EEF2K: variants seen among roughly 807,000 people sequenced by gnomAD.
EEF2K encodes the protein eukaryotic elongation factor 2 kinase, also known as alternative protein EEF2K.
In EEF2K, 70 loss-of-function variants were observed where a neutral mutation model predicts 93.8. That is an observed-to-expected ratio of 0.75 (90% CI 0.62 to 0.91). The LOEUF (loss-of-function observed/expected upper bound fraction) is 0.91, where lower values mean the gene tolerates loss of function less well. Among genes scored for constraint, EEF2K ranks in the 40% least tolerant of loss-of-function variants. The pLI, the probability that EEF2K is intolerant of heterozygous loss-of-function variation, is 0.00. For synonymous variants in EEF2K, 376 were observed against 380.8 expected, an observed-to-expected ratio of 0.99 and a Z score of 0.15; for missense variants, 935 against 972.9, an observed-to-expected ratio of 0.96 and a Z score of 0.52.
chr16:22,251,830 G>C (rs1264571840), intron 6 of EEF2K, among the ~76,000 whole-genome samples: 1 of 151,780 alleles, frequency 6.6e-6, no homozygotes, highest in Non-Finnish European at 1.5e-5. Context: ...ATCTTTCTTG[G>C]TTGCCCAGGC....
chr16:22,287,492 A>G lies in EEF2K; in HGVS notation c.*3496A>G, dbSNP rs1336058128. On this transcript the variant is annotated 3_prime_UTR_variant, in exon 18 of 18. Coordinates refer to ENST00000263026, the MANE Select transcript of EEF2K (RefSeq NM_013302.5). ...TCCAGTACTTTCATTTCACAAATGG[A>G]GAAACCGAGGTTCTGCCAGCTAGAT... The G allele has an allele frequency of 6.6e-6, 1 of 152,230 alleles. No individual in the cohort carries two copies. The highest frequency in any genetic ancestry group is 1.5e-5 in the Non-Finnish European group (1 of 68,044). The allele number at this position is 152,230 out of a possible 1,614,324, so 9.4% of individuals were successfully genotyped here. A position where few individuals can be genotyped will look rare whatever the true frequency, so the allele number is the denominator to read the frequency against.
At position 22,284,934 on chromosome 16, in the gene EEF2K, A is replaced by G. The variant is rs1166783707; in HGVS notation, c.*938A>G. On this transcript the variant is annotated 3_prime_UTR_variant, in exon 18 of 18. Transcript: ENST00000263026. Reference sequence around the variant, plus strand: ...GGCCTGCATGTTGGCTGTTTTTTAAACTTCTAGTTCAATTTCCTTCCATAA... The same window carrying G: ...GGCCTGCATGTTGGCTGTTTTTTAAGCTTCTAGTTCAATTTCCTTCCATAA... The G allele has an allele frequency of 6.6e-6, 1 of 152,066 alleles. No homozygotes were observed. The highest frequency in any genetic ancestry group is 1.5e-5 in the Non-Finnish European group (1 of 67,912). 9.4% of individuals were successfully genotyped at this position (152,066 alleles called of 1,614,324 possible).
At chr16:22,266,589 T>C (rs2047521719) in intron 14 of EEF2K, 65 bp downstream of exon 14, 1 of 1,600,700 alleles carries the variant, frequency 6.2e-7, no homozygotes, top group Non-Finnish European at 8.5e-7. Flanking sequence ...CTCCAGCCTC[T>C]CCTCCGCTAA....
At chr16:22,250,835 C>G in intron 5 of EEF2K, 144 bp downstream of exon 5, 1 of 1,092,588 alleles carries the variant, frequency 9.2e-7, no homozygotes, top group Non-Finnish European at 1.3e-6. Context: ...CATCTAGTCT[C>G]CCTCGGGCCA....
At chr16:22,246,627 A>T (rs1274832160) in intron 3 of EEF2K, among the ~76,000 whole-genome samples, 1 of 151,858 alleles carries the variant, frequency 6.6e-6, no homozygotes, top group South Asian at 2.1e-4. Context: ...CCATCACACA[A>T]CCTGGTACTG....
chr16:22,257,786 G>C lies in EEF2K; in HGVS notation c.1029+16G>C, dbSNP rs760453271. 6.2e-7 allele frequency: 1 copy of C among 1,611,986 alleles called. No individual in the cohort carries two copies. Reference sequence around the variant, plus strand: ...CAAGCTGCTGGTGGGTGCCCAGTGTGACCCTGCTTGGCCTGGCAGGCCCTT... The same window carrying C: ...CAAGCTGCTGGTGGGTGCCCAGTGTCACCCTGCTTGGCCTGGCAGGCCCTT... On this transcript the variant is annotated intron_variant, in intron 9 of 17. Transcript: ENST00000263026.
intron 1 of EEF2K, among the ~76,000 whole-genome samples, chr16:22,222,147 G>A (rs571759146): frequency 3.9e-5 from 6 of 152,244 alleles, no homozygotes; most frequent in African/African-American, 1.4e-4. Flanking sequence ...TACAGTTCCT[G>A]TGGATTTTTC....
Position 22,256,791 on chromosome 16 carries a change from C to A in EEF2K, c.662C>A (p.Pro221Gln). The change falls in exon 7 of 18, where the codon CCG becomes CAG. Residue 221 changes from proline to glutamine, a missense_variant. Coordinates refer to ENST00000263026, the MANE Select transcript of EEF2K (RefSeq NM_013302.5). ...TGCATCATCGAGCTGAAGGACAGACCGGGCAAGCCCCTCTTCCACCTGGAG... is the reference window on the plus strand; with the variant it reads ...TGCATCATCGAGCTGAAGGACAGACAGGGCAAGCCCCTCTTCCACCTGGAG... ...QMCIIELKDR[P>Q]GKPLFHLEHY... is the part of the protein sequence containing the mutation. 6.2e-7 allele frequency: 1 copy of A among 1,614,072 alleles called. No individual in the cohort carries two copies. Among genetic ancestry groups the A allele is most frequent in the Non-Finnish European group, 8.5e-7 (1 of 1,180,008 alleles).
chr16:22,278,084 G>T (rs1001325958), intron 16 of EEF2K, among the ~76,000 whole-genome samples: 1 of 152,062 alleles, frequency 6.6e-6, no homozygotes, highest in Admixed American at 6.6e-5. Context: ...ACATGCCCCT[G>T]TCATCCCAGC....
Position 22,225,822 on chromosome 16 carries a change from C to G in EEF2K, c.93C>G (p.Ser31Arg). 2 of 1,614,234 alleles carry G rather than the reference C, an allele frequency of 1.2e-6. No homozygotes were observed. Among genetic ancestry groups the G allele is most frequent in the Non-Finnish European group, 1.7e-6 (2 of 1,180,046 alleles). ...ATGATGGTGATTCTGATGGGGACAGCGACGATGAGGAAGGTTACTTCATCT... is the reference window on the plus strand; with the variant it reads ...ATGATGGTGATTCTGATGGGGACAGGGACGATGAGGAAGGTTACTTCATCT... The part of the protein sequence containing the change: ...AGHDGDSDGD[S>R]DDEEGYFICP... The change falls in exon 2 of 18, where the codon AGC (serine) becomes AGG (arginine). Residue 31 changes from serine (S) to arginine (R), a missense_variant. Physicochemically the swap from Ser to Arg is moderately radical, Grantham distance 110. Coordinates refer to ENST00000263026, the MANE Select transcript of EEF2K (RefSeq NM_013302.5).
intron 3 of EEF2K, among the ~76,000 whole-genome samples, chr16:22,246,900 C>T (rs376631738): frequency 1.1e-4 from 17 of 150,768 alleles, no homozygotes; most frequent in African/African-American, 3.2e-4. Flanking sequence ...TAGTTGGGCA[C>T]GGTGGCATGC....
At chr16:22,210,247 G>A (rs115718194) in intron 1 of EEF2K, among the ~76,000 whole-genome samples, 1,792 of 152,266 alleles carry the variant, frequency 0.012, 38 homozygotes, top group African/African-American at 0.041. Context: ...GGTGGATGGC[G>A]TTCTGTTCTC....
At chr16:22,217,750 G>C (rs2046973182) in intron 1 of EEF2K, among the ~76,000 whole-genome samples, 2 of 152,286 alleles carry the variant, frequency 1.3e-5, no homozygotes, top group South Asian at 4.1e-4. Flanking sequence ...ACCGTGCCTG[G>C]CTGGTTTGGG....
intron 11 of EEF2K, among the ~76,000 whole-genome samples, chr16:22,260,918 C>T (rs2047456408): frequency 6.6e-6 from 1 of 152,184 alleles, no homozygotes; most frequent in South Asian, 2.1e-4. Flanking sequence ...TGTGTTCTAG[C>T]TCTTCACACC....
intron 10 of EEF2K, among the ~76,000 whole-genome samples, chr16:22,259,069 A>G (rs1181116880): frequency 1.3e-5 from 2 of 152,242 alleles, no homozygotes; most frequent in Admixed American, 1.3e-4. Flanking sequence ...TACTATGTTA[A>G]AAGGTTCACC....
chr16:22,273,587 A>C, intron 15 of EEF2K, 39 bp from the exon 16 acceptor site: 1 of 1,610,564 alleles, frequency 6.2e-7, no homozygotes. Flanking sequence ...TGTAAGCCTC[A>C]TTCACTCTTC....
chr16:22,232,103 C>A (rs1409835386), intron 2 of EEF2K, among the ~76,000 whole-genome samples: 1 of 151,738 alleles, frequency 6.6e-6, no homozygotes, highest in Non-Finnish European at 1.5e-5. Context: ...TCCACTCACA[C>A]ACATCTGGAA....
intron 2 of EEF2K, among the ~76,000 whole-genome samples, chr16:22,241,297 C>T (rs1247535916): frequency 6.6e-6 from 1 of 151,954 alleles, no homozygotes; most frequent in African/African-American, 2.4e-5. Flanking sequence ...CCCATTGACC[C>T]ACTCTTCTGT....
At chr16:22,227,368 C>T (rs911382754) in intron 2 of EEF2K, among the ~76,000 whole-genome samples, 1 of 152,004 alleles carries the variant, frequency 6.6e-6, no homozygotes. Flanking sequence ...ATATAACAGG[C>T]ATGTGCCACC....
Sources: allele counts gnomAD v4.1 joint callset (sites outside exome capture counted in the v4.1 genomes callset), GRCh38; gene constraint gnomAD v4.1.1; transcripts MANE v1.5; gene names NCBI Gene and HGNC (gene_info 2026-07-23, HGNC 2026-07-21).